UBA2: variants seen among roughly 807,000 people sequenced by gnomAD.
The protein encoded by UBA2 is SUMO-activating enzyme subunit 2.
A neutral mutation model predicts 77.2 loss-of-function variants in UBA2; 11 were observed. The ratio of observed to expected loss-of-function variants is 0.14; its 90% CI spans 0.09 to 0.24. UBA2 has a LOEUF of 0.24. Ranked by LOEUF, UBA2 falls within the 10% of genes least tolerant of loss-of-function variation. The pLI is 1.00. For synonymous variants in UBA2, 278 were observed against 276.7 expected (o/e 1.00, Z -0.05); for missense variants, 487 against 781.7 (o/e 0.62, Z 4.50).
At chr19:34,432,081 A>AC in intron 3 of UBA2, 150 bp downstream of exon 3, 1 of 543,460 alleles carries the variant, frequency 1.8e-6, no homozygotes, top group South Asian at 2.8e-5. Context: ...CATTCTTTTT[A>AC]CCAGTTCATA....
chr19:34,443,412 T>C, intron 6 of UBA2, among the ~76,000 whole-genome samples: 1 of 151,842 alleles, frequency 6.6e-6, no homozygotes. Flanking sequence ...GTTAAACTTT[T>C]AAGTTTATAG....
chr19:34,447,887 T>G (rs1360097389), intron 8 of UBA2, among the ~76,000 whole-genome samples: 3 of 151,706 alleles, frequency 2.0e-5, no homozygotes, highest in Non-Finnish European at 4.4e-5. Context: ...AGAATAAGAG[T>G]CAGAATAGGG....
Position 34,428,409 on chromosome 19 carries a change from G to C in UBA2, c.-24G>C. ...GCTCGGTTCTCCCGCCTCCGCCTCCGCCGCGGCTCGTGGTTGTCCCGCCAT... is the reference window on the plus strand; with the variant it reads ...GCTCGGTTCTCCCGCCTCCGCCTCCCCCGCGGCTCGTGGTTGTCCCGCCAT... On this transcript the variant is annotated 5_prime_UTR_variant, in exon 1 of 17. Transcript: ENST00000246548. 8.0e-7 allele frequency: 1 copy of C among 1,243,204 alleles called. No homozygotes were observed. Among genetic ancestry groups the C allele is most frequent in the Non-Finnish European group, 1.0e-6 (1 of 992,520 alleles). The allele number at this position is 1,243,204 out of a possible 1,614,324, so 77.0% of individuals were successfully genotyped here. A position where few individuals can be genotyped will look rare whatever the true frequency, so the allele number is the denominator to read the frequency against.
In UBA2 at chr19:34,431,244, C is replaced by CTTTTTTTTTTTTT. The variant is rs1184297228; in HGVS notation, c.222+597_223-593dup. Among the ~76,000 whole-genome samples the CTTTTTTTTTTTTT allele has an allele frequency of 5.5e-4, 38 of 69,374 alleles. 1 individual carries two copies. The highest frequency in any genetic ancestry group is 1.2e-3 in the Admixed American group (5 of 4,022). The allele number at this position is 69,374 out of a possible 152,430, so 45.5% of individuals were successfully genotyped here. ...TTTACTTTTCCTATCATTTTCTTTT[C>CTTTTTTTTTTTTT]TTTTTTTTTTTTTTTTTTTTTTTTA... On this transcript the variant is annotated intron_variant, in intron 2 of 16. Transcript: ENST00000246548.
chr19:34,445,205 G>T (rs1334145864), intron 8 of UBA2, 84 bp downstream of exon 8: 2 of 1,400,664 alleles, frequency 1.4e-6, no homozygotes, highest in East Asian at 4.7e-5. Context: ...TTTTAAAATA[G>T]TCCATAAAAT....
chr19:34,450,203 T>C, intron 8 of UBA2, 62 bp from the exon 9 acceptor site: 1 of 1,180,476 alleles, frequency 8.5e-7, no homozygotes, highest in Non-Finnish European at 1.2e-6. Flanking sequence ...AGCAATGACG[T>C]TTTCTTGTAT....
At chr19:34,447,428 AT>A (rs2075444016) in intron 8 of UBA2, among the ~76,000 whole-genome samples, 1 of 152,226 alleles carries the variant, frequency 6.6e-6, no homozygotes, top group Admixed American at 6.5e-5. Context: ...TTTTATTTTG[AT>A]TATACTTAAG....
chr19:34,428,804 G>C, intron 1 of UBA2: 1 of 1,156,488 alleles, frequency 8.6e-7, no homozygotes, highest in Non-Finnish European at 1.1e-6. Context: ...AGGAGGCCGC[G>C]GGCCCCCGCC....
intron 3 of UBA2, 93 bp from the exon 4 acceptor site, chr19:34,433,255 G>A (rs2145491370): frequency 2.3e-6 from 2 of 877,966 alleles, no homozygotes; most frequent in Admixed American, 4.1e-5. Context: ...TTTGTTTACA[G>A]TTACTATGTT....
intron 5 of UBA2, among the ~76,000 whole-genome samples, chr19:34,437,566 C>T (rs1183339554): frequency 7.9e-5 from 12 of 151,714 alleles, no homozygotes; most frequent in Non-Finnish European, 1.6e-4. Flanking sequence ...GCCTAGATCA[C>T]GCCATTGCAC....
rs368195664 is a variant in UBA2, at chr19:34,469,848, G to A, written c.*627G>A. The A allele has an allele frequency of 6.4e-4, 97 of 152,556 alleles. 1 individual carries two copies. The highest frequency in any genetic ancestry group is 2.2e-3 in the African/African-American group (93 of 41,502). The allele number at this position is 152,556 out of a possible 1,614,324, so 9.5% of individuals were successfully genotyped here. ...CGATGTTTTGTAAAACTCAAATAACGACTATACTTATGGACCAAATAAATG... is the reference window on the plus strand; with the variant it reads ...CGATGTTTTGTAAAACTCAAATAACAACTATACTTATGGACCAAATAAATG... On this transcript the variant is annotated 3_prime_UTR_variant, in exon 17 of 17. Coordinates refer to ENST00000246548, the MANE Select transcript of UBA2 (RefSeq NM_005499.3).
At chr19:34,433,605 A>G (rs1043003852) in intron 4 of UBA2, among the ~76,000 whole-genome samples, 193 bp downstream of exon 4, 1 of 152,212 alleles carries the variant, frequency 6.6e-6, no homozygotes, top group African/African-American at 2.4e-5. Context: ...GAATTTAGCT[A>G]TCATATTCTC....
chr19:34,444,678 A>G (rs1384859168), intron 7 of UBA2, among the ~76,000 whole-genome samples: 1 of 152,216 alleles, frequency 6.6e-6, no homozygotes, highest in Non-Finnish European at 1.5e-5. Flanking sequence ...ATGGTGGTGC[A>G]TACCTGTAGT....
chr19:34,443,952 A>G, intron 7 of UBA2, 41 bp downstream of exon 7: 2 of 1,383,338 alleles, frequency 1.4e-6, no homozygotes, highest in Non-Finnish European at 2.0e-6. Context: ...AGATACTATT[A>G]TCTTTATTTT....
intron 8 of UBA2, among the ~76,000 whole-genome samples, chr19:34,448,359 C>A (rs1209581491): frequency 1.3e-5 from 2 of 152,040 alleles, no homozygotes; most frequent in African/African-American, 4.8e-5. Flanking sequence ...CTTTGGAAGG[C>A]TGAGGCGGGA....
intron 6 of UBA2, among the ~76,000 whole-genome samples, chr19:34,439,619 C>T (rs1403574515): frequency 6.6e-6 from 1 of 152,024 alleles, no homozygotes; most frequent in Non-Finnish European, 1.5e-5. Flanking sequence ...CCCTTGAGCC[C>T]AGGAGTTTGA....
At chr19:34,435,090 A>G (rs2075294436) in intron 5 of UBA2, 122 bp downstream of exon 5, 1 of 712,200 alleles carries the variant, frequency 1.4e-6, no homozygotes, top group Non-Finnish European at 2.3e-6. Context: ...AAGGACTTTT[A>G]TGCTTATATA....
intron 6 of UBA2, among the ~76,000 whole-genome samples, chr19:34,439,297 ATAT>A (rs1568370439): frequency 6.6e-6 from 1 of 152,138 alleles, no homozygotes; most frequent in Non-Finnish European, 1.5e-5. Context: ...AAAAATCTTT[ATAT>A]TTGGAAATGT....
chr19:34,439,108 T>G (rs1046237714), intron 6 of UBA2, among the ~76,000 whole-genome samples: 2 of 151,080 alleles, frequency 1.3e-5, no homozygotes, highest in African/African-American at 4.9e-5. Context: ...CTCGGGAGGC[T>G]GAGGCAAGAG....
Sources: gnomAD v4.1 joint callset for allele counts (sites outside exome capture counted in the v4.1 genomes callset) on GRCh38, gnomAD v4.1.1 for gene constraint, MANE v1.5 for transcripts, NCBI Gene and HGNC (gene_info 2026-07-23, HGNC 2026-07-21) for gene names.